KLHL29: variants seen among roughly 807,000 people sequenced by gnomAD.
KLHL29 encodes kelch-like protein 29.
A neutral mutation model predicts 80.4 loss-of-function variants in KLHL29; 21 were observed. That is an observed-to-expected ratio of 0.26 (90% CI 0.19 to 0.38). The LOEUF is 0.38. Among genes scored for constraint, KLHL29 ranks in the 10% least tolerant of loss-of-function variants. KLHL29 has a pLI of 1.00. For synonymous variants in KLHL29, 511 were observed against 526.8 expected (o/e 0.97, Z 0.41); for missense variants, 867 against 1,223.9 (o/e 0.71, Z 4.35).
intron 1 of KLHL29, among the ~76,000 whole-genome samples, chr2:23,386,563 G>C (rs1207951520): frequency 6.6e-6 from 1 of 152,158 alleles, no homozygotes; most frequent in Non-Finnish European, 1.5e-5. Flanking sequence ...TGATGTGTGG[G>C]ACAGGGTGGA....
chr2:23,448,893 T>C (rs1663784590), intron 1 of KLHL29, among the ~76,000 whole-genome samples: 1 of 152,184 alleles, frequency 6.6e-6, no homozygotes, highest in Non-Finnish European at 1.5e-5. Flanking sequence ...TGGTAGAATC[T>C]TAAACACATC....
intron 1 of KLHL29, among the ~76,000 whole-genome samples, chr2:23,428,083 C>G (rs1181991404): frequency 2.0e-5 from 3 of 152,270 alleles, no homozygotes; most frequent in East Asian, 1.9e-4. Flanking sequence ...CCTGATGGAG[C>G]ATTGCAGGCT....
chr2:23,638,990 G>C, intron 3 of KLHL29, 149 bp from the exon 4 acceptor site: 3 of 673,678 alleles, frequency 4.5e-6, no homozygotes, highest in Non-Finnish European at 6.9e-6. Flanking sequence ...TGGGTGGAGG[G>C]CTGAGGCTCT....
At chr2:23,500,831 G>A (rs759342365) in intron 2 of KLHL29, among the ~76,000 whole-genome samples, 10 of 152,194 alleles carry the variant, frequency 6.6e-5, no homozygotes, top group Non-Finnish European at 1.5e-4. Flanking sequence ...AATCCTGCAC[G>A]TGGAGTGAGT....
chr2:23,521,003 C>G (rs112842433), intron 2 of KLHL29, among the ~76,000 whole-genome samples: 1 of 151,274 alleles, frequency 6.6e-6, no homozygotes, highest in Non-Finnish European at 1.5e-5. Flanking sequence ...CCCCCCCCCC[C>G]GCTCCCCCTC....
intron 3 of KLHL29, among the ~76,000 whole-genome samples, chr2:23,613,763 CAAAAAAAA>C (rs1157736706): frequency 0.044 from 2,766 of 63,584 alleles, 121 homozygotes; most frequent in African/African-American, 0.21. Context: ...GACTCCATCT[CAAAAAAAA>C]AAAAAAAAAA....
intron 2 of KLHL29, among the ~76,000 whole-genome samples, chr2:23,534,342 C>T (rs978815912): frequency 3.9e-5 from 6 of 152,110 alleles, no homozygotes; most frequent in African/African-American, 1.4e-4. Context: ...AGCCCAATGC[C>T]TGTTCCTTAA....
intron 2 of KLHL29, among the ~76,000 whole-genome samples, chr2:23,485,816 CAAA>C (rs1355009998): frequency 5.9e-5 from 9 of 152,114 alleles, no homozygotes; most frequent in Non-Finnish European, 5.9e-5. Context: ...TCTTCATGTG[CAAA>C]ATAGAGATTT....
At chr2:23,702,725 T>G (rs11678258) in intron 11 of KLHL29, among the ~76,000 whole-genome samples, 3,135 of 152,300 alleles carry the variant, frequency 0.021, 56 homozygotes, top group Middle Eastern at 0.034. Flanking sequence ...GTAATTATTC[T>G]TTGTGTGTTT....
At chr2:23,613,794 A>C (rs1022402118) in intron 3 of KLHL29, among the ~76,000 whole-genome samples, 2 of 145,928 alleles carry the variant, frequency 1.4e-5, no homozygotes, top group Admixed American at 6.8e-5. Flanking sequence ...AAAAAAACCC[A>C]CCACTCTCAG....
intron 1 of KLHL29, among the ~76,000 whole-genome samples, chr2:23,412,959 A>G (rs997550749): frequency 1.3e-5 from 2 of 152,090 alleles, no homozygotes; most frequent in African/African-American, 2.4e-5. Flanking sequence ...CCAAATTCCT[A>G]TGCTCTTACT....
intron 2 of KLHL29, among the ~76,000 whole-genome samples, chr2:23,487,876 T>G (rs1664976093): frequency 6.6e-6 from 1 of 152,206 alleles, no homozygotes; most frequent in Non-Finnish European, 1.5e-5. Flanking sequence ...ACATCTGGAA[T>G]GTTGCACAAA....
chr2:23,593,371 G>A (rs945064007), intron 3 of KLHL29, among the ~76,000 whole-genome samples: 9 of 152,158 alleles, frequency 5.9e-5, no homozygotes, highest in African/African-American at 1.9e-4. Flanking sequence ...TGGAAGAGTG[G>A]GGGTGGTCAT....
chr2:23,434,280 C>T (rs1372434837), intron 1 of KLHL29, among the ~76,000 whole-genome samples: 1 of 140,770 alleles, frequency 7.1e-6, no homozygotes, highest in Non-Finnish European at 1.5e-5. Flanking sequence ...GAGATTGCGC[C>T]ACCGCACTCC....
chr2:23,570,386 C>G (rs1457595605), intron 3 of KLHL29, among the ~76,000 whole-genome samples: 1 of 152,256 alleles, frequency 6.6e-6, no homozygotes. Flanking sequence ...GTCTGCACTT[C>G]TGTCCCTTGA....
intron 1 of KLHL29, among the ~76,000 whole-genome samples, chr2:23,450,070 G>C (rs11889528): frequency 6.6e-6 from 1 of 152,118 alleles, no homozygotes; most frequent in Admixed American, 6.5e-5. Context: ...CGGCAAGCTC[G>C]ATCGCCAATT....
intron 2 of KLHL29, among the ~76,000 whole-genome samples, chr2:23,530,260 A>AG (rs1666452373): frequency 6.6e-6 from 1 of 152,158 alleles, no homozygotes; most frequent in African/African-American, 2.4e-5. Flanking sequence ...GCCATTGAAG[A>AG]GGAGGAGCTC....
intron 6 of KLHL29, among the ~76,000 whole-genome samples, chr2:23,685,639 G>A (rs1251966384): frequency 5.3e-5 from 8 of 152,250 alleles, no homozygotes; most frequent in Non-Finnish European, 2.9e-5. Context: ...CCGGCCCTCA[G>A]CCTCGCAGGA....
intron 5 of KLHL29, among the ~76,000 whole-genome samples, chr2:23,645,142 C>G (rs1321913766): frequency 6.6e-6 from 1 of 152,158 alleles, no homozygotes; most frequent in Non-Finnish European, 1.5e-5. Flanking sequence ...AGTAATTTCT[C>G]TTTTCATTTC....
Sources: allele counts gnomAD v4.1 joint callset (sites outside exome capture counted in the v4.1 genomes callset), GRCh38; gene constraint gnomAD v4.1.1; transcripts MANE v1.5; gene names NCBI Gene and HGNC (gene_info 2026-07-23, HGNC 2026-07-21).